Variants in RNF180 observed in about 807,000 individuals in gnomAD.
RNF180 encodes the protein ring finger protein 180, also known as E3 ubiquitin-protein ligase RNF180.
RNF180 carries 38 observed loss-of-function variants against 59.2 expected under a neutral mutation model. The observed-to-expected ratio is 0.64, with a 90% CI of 0.50 to 0.84. The LOEUF (loss-of-function observed/expected upper bound fraction) is 0.84, where lower values mean the gene tolerates loss of function less well. Among genes scored for constraint, RNF180 ranks in the 40% least tolerant of loss-of-function variants. RNF180 has a pLI of 0.00. For missense variants in RNF180, 705 were observed against 700.9 expected (o/e 1.01, Z -0.07); for synonymous variants, 262 against 240.3 (o/e 1.09, Z -0.84).
In RNF180 at chr5:64,242,865, T is replaced by A. The variant is rs532929602; in HGVS notation, c.1227+25469T>A. On this transcript the variant is annotated intron_variant, in intron 5 of 7. Coordinates refer to ENST00000389100, the MANE Select transcript of RNF180 (RefSeq NM_001113561.2). ...AAGATGAACACAGAAGGTGGGTGAT[T>A]TCTGCATTTCCAACTGAGTTACCCA... 1.1e-4 allele frequency among the ~76,000 whole-genome samples: 17 copies of A among 152,226 alleles called. No homozygotes were observed. In the East Asian group the frequency reaches 3.1e-3, roughly 28 times the overall value.
At chr5:64,259,246 C>G (rs993643708) in intron 5 of RNF180, among the ~76,000 whole-genome samples, 1 of 152,126 alleles carries the variant, frequency 6.6e-6, no homozygotes, top group African/African-American at 2.4e-5. Flanking sequence ...ATCTGCATGT[C>G]TGAAGAGGCT....
rs1745954808 is a variant in RNF180, at chr5:64,354,854, A to G, written c.1580-14761A>G. Among the ~76,000 whole-genome samples the G allele has an allele frequency of 3.9e-5, 6 of 151,926 alleles. No individual in the cohort carries two copies. In the South Asian group the frequency reaches 1.2e-3, roughly 31 times the overall value. On this transcript the variant is annotated intron_variant, in intron 7 of 7. Transcript: ENST00000389100. ...ATTGTTTTACTTGATACAGAAAAGC[A>G]TTCGACAAAATCTAGCACCCTGTCA...
At chr5:64,323,372 CT>C (rs2112516707) in intron 5 of RNF180, among the ~76,000 whole-genome samples, 1 of 152,206 alleles carries the variant, frequency 6.6e-6, no homozygotes, top group African/African-American at 2.4e-5. Context: ...GAAACCCTGT[CT>C]CTACTAAAAA....
chr5:64,245,591 A>G (rs1337573462), intron 5 of RNF180, among the ~76,000 whole-genome samples: 1 of 152,246 alleles, frequency 6.6e-6, no homozygotes, highest in East Asian at 1.9e-4. Flanking sequence ...TATGCACCCA[A>G]TATGGGAGCA....
At chr5:64,306,368 A>G (rs1248234960) in intron 5 of RNF180, among the ~76,000 whole-genome samples, 1 of 151,750 alleles carries the variant, frequency 6.6e-6, no homozygotes, top group Non-Finnish European at 1.5e-5. Flanking sequence ...TTTAACAAAA[A>G]CAACATTAAT....
intron 5 of RNF180, among the ~76,000 whole-genome samples, chr5:64,301,315 C>G (rs1457890502): frequency 6.6e-6 from 1 of 151,692 alleles, no homozygotes; most frequent in Admixed American, 6.6e-5. Context: ...CATTATGAAC[C>G]TTATCTCAAA....
chr5:64,338,204 A>C (rs1026872632), intron 7 of RNF180, among the ~76,000 whole-genome samples: 5 of 152,228 alleles, frequency 3.3e-5, no homozygotes, highest in Non-Finnish European at 5.9e-5. Context: ...CAGTGAAGAC[A>C]ATATTAAATA....
intron 1 of RNF180, among the ~76,000 whole-genome samples, chr5:64,183,558 A>G (rs982241326): frequency 7.2e-6 from 1 of 139,608 alleles, no homozygotes; most frequent in African/African-American, 2.7e-5. Context: ...AGCAATTCTC[A>G]TGTCTCAACC....
intron 1 of RNF180, among the ~76,000 whole-genome samples, chr5:64,180,314 C>T (rs1381092280): frequency 6.6e-6 from 1 of 152,122 alleles, no homozygotes; most frequent in Non-Finnish European, 1.5e-5. Flanking sequence ...TCTGTAATAT[C>T]TTACTTTCAA....
At chr5:64,234,815 G>A (rs1742331222) in intron 5 of RNF180, among the ~76,000 whole-genome samples, 1 of 151,706 alleles carries the variant, frequency 6.6e-6, no homozygotes, top group South Asian at 2.1e-4. Context: ...TAGCCAGGAT[G>A]GTCTCGATCT....
chr5:64,225,291 G>A (rs571897767), intron 5 of RNF180, among the ~76,000 whole-genome samples: 53 of 151,882 alleles, frequency 3.5e-4, no homozygotes, highest in Middle Eastern at 3.2e-3. Context: ...CATTTGGCCC[G>A]GCCGCCCCGT....
At chr5:64,341,428 A>C (rs1242801367) in intron 7 of RNF180, among the ~76,000 whole-genome samples, 1 of 152,220 alleles carries the variant, frequency 6.6e-6, no homozygotes, top group African/African-American at 2.4e-5. Flanking sequence ...GACTGTTGAT[A>C]TCAATAAATG....
chr5:64,168,831 T>C (rs1404443038), intron 1 of RNF180, among the ~76,000 whole-genome samples: 4 of 152,156 alleles, frequency 2.6e-5, no homozygotes, highest in Non-Finnish European at 5.9e-5. Flanking sequence ...AAGAAAAAAT[T>C]TCGACAAATT....
chr5:64,303,534 A>G (rs1037985846), intron 5 of RNF180, among the ~76,000 whole-genome samples: 1 of 151,654 alleles, frequency 6.6e-6, no homozygotes, highest in Non-Finnish European at 1.5e-5. Flanking sequence ...TGATATGAAG[A>G]CAGTTCGAAT....
At chr5:64,344,365 TAA>T (rs758138543) in intron 7 of RNF180, among the ~76,000 whole-genome samples, 160 of 152,110 alleles carry the variant, frequency 1.1e-3, no homozygotes, top group Non-Finnish European at 1.8e-3. Flanking sequence ...TTCATGGCAA[TAA>T]AAGAGGCAAT....
intron 5 of RNF180, among the ~76,000 whole-genome samples, chr5:64,241,650 A>G (rs188891781): frequency 1.3e-5 from 2 of 152,316 alleles, no homozygotes; most frequent in East Asian, 3.9e-4. Flanking sequence ...TTGAACAACT[A>G]TCTGTGTACT....
intron 1 of RNF180, among the ~76,000 whole-genome samples, chr5:64,170,521 T>C (rs1749884586): frequency 6.6e-6 from 1 of 152,198 alleles, no homozygotes; most frequent in Admixed American, 6.5e-5. Context: ...GATCCAACAC[T>C]CTGTGAAGTT....
chr5:64,270,804 C>CA (rs1274452961), intron 5 of RNF180, among the ~76,000 whole-genome samples: 1 of 152,044 alleles, frequency 6.6e-6, no homozygotes, highest in African/African-American at 2.4e-5. Context: ...GATATAATTT[C>CA]AAAATCAGTT....
chr5:64,253,621 TAAAGAC>T (rs1389861536), intron 5 of RNF180, among the ~76,000 whole-genome samples: 1 of 152,110 alleles, frequency 6.6e-6, no homozygotes, highest in Non-Finnish European at 1.5e-5. Flanking sequence ...ATTAAACTGT[TAAAGAC>T]AATAGAGTCT....
Sources: allele counts gnomAD v4.1 joint callset (sites outside exome capture counted in the v4.1 genomes callset), GRCh38; gene constraint gnomAD v4.1.1; transcripts MANE v1.5; gene names NCBI Gene and HGNC (gene_info 2026-07-23, HGNC 2026-07-21).